RGPD1: variants seen among roughly 807,000 people sequenced by gnomAD.
RGPD1 encodes RANBP2-like and GRIP domain-containing protein 1.
Under a neutral mutation model 40.6 loss-of-function variants are expected in RGPD1, and 7 were observed. That is an observed-to-expected ratio of 0.17 (90% confidence interval 0.10 to 0.32). RGPD1 has a LOEUF of 0.32. RGPD1 is among the 10% of genes least tolerant of loss of function. The probability of loss-of-function intolerance (pLI) is 1.00; values close to 1 mark genes in which losing one functional copy is unlikely to be tolerated. For synonymous variants in RGPD1, 24 were observed against 167.0 expected (o/e 0.14, Z 6.60); for missense variants, 50 against 472.5 (o/e 0.11, Z 8.29).
chr2:86,927,366 ACT>A (rs1462362423), intron 1 of RGPD1, among the ~76,000 whole-genome samples: 1 of 144,052 alleles, frequency 6.9e-6, no homozygotes, highest in East Asian at 2.1e-4. Context: ...TCTTAGGAAG[ACT>A]CTTTTTTTCC....
At chr2:86,956,846 A>G (rs2104801245) in intron 4 of RGPD1, among the ~76,000 whole-genome samples, 1 of 103,962 alleles carries the variant, frequency 9.6e-6, no homozygotes, top group South Asian at 3.5e-4. Context: ...GTGGAGAAGT[A>G]TATTTCTGAA....
chr2:86,941,642 G>A (rs1020293643), upstream of RGPD1, among the ~76,000 whole-genome samples: 72 of 151,704 alleles, frequency 4.7e-4, no homozygotes, highest in Non-Finnish European at 9.1e-4. Context: ...TATTGGAGGG[G>A]CCTGCATATA....
chr2:86,942,363 A>T (rs1268050519), intron 1 of RGPD1, 55 bp downstream of exon 1: 1 of 1,357,258 alleles, frequency 7.4e-7, no homozygotes, highest in Non-Finnish European at 9.6e-7. Context: ...GGCGGCCTCG[A>T]CCTGGCCGGG....
intron 1 of RGPD1, among the ~76,000 whole-genome samples, chr2:86,947,352 G>A (rs538127679): frequency 0.011 from 284 of 24,944 alleles, 9 homozygotes; most frequent in African/African-American, 0.041. Context: ...TACTGTTCAG[G>A]CTGGTCTGGA....
At chr2:86,914,798 GGGCGGCGGCGGCGGCGGC>G (rs551941000) in intron 1 of RGPD1, among the ~76,000 whole-genome samples, 86 of 726 alleles carry the variant, frequency 0.12, 24 homozygotes, top group Non-Finnish European at 0.12. Flanking sequence ...CCACCTGGAC[GGGCGGCGGCGGCGGCGGC>G]GGCGGCGGCG....
intron 20 of RGPD1, among the ~76,000 whole-genome samples, chr2:86,988,308 G>A (rs1478296256): frequency 8.1e-6 from 1 of 123,404 alleles, no homozygotes; most frequent in Non-Finnish European, 1.7e-5. Context: ...GCCGGGCGTG[G>A]TGGTGCGTGC....
intron 1 of RGPD1, among the ~76,000 whole-genome samples, chr2:86,936,098 C>T (rs929864462): frequency 1.3e-4 from 17 of 135,228 alleles, no homozygotes; most frequent in African/African-American, 3.9e-4. Flanking sequence ...CTCCACCTCC[C>T]GGGTTCACGC....
intron 6 of RGPD1, among the ~76,000 whole-genome samples, chr2:86,962,514 A>C (rs1190838001): frequency 8.0e-6 from 1 of 124,440 alleles, no homozygotes; most frequent in Non-Finnish European, 1.6e-5. Flanking sequence ...TCTCAAAAAA[A>C]AAAAAAAAAA....
chr2:86,914,471 GCGGCCT>G (rs1313688332), intron 1 of RGPD1, among the ~76,000 whole-genome samples: 2 of 11,552 alleles, frequency 1.7e-4, no homozygotes, highest in Non-Finnish European at 2.7e-4. Flanking sequence ...GGCGGCGGCG[GCGGCCT>G]CGGCCTCGGC....
At chr2:86,940,809 C>G (rs948843180), upstream of RGPD1, among the ~76,000 whole-genome samples, 1 of 150,406 alleles carries the variant, frequency 6.6e-6, no homozygotes, top group African/African-American at 2.4e-5. Flanking sequence ...AGGCTATCCC[C>G]ACATGGATAG....
rs1375902128 is a variant in RGPD1, at chr2:86,935,588, TTTTCTGAGATTTG to T, written c.73-15701_73-15689del. ...ATACTCATATTCTAAGGGAATTTTA[TTTTCTGAGATTTG>T]TTTCTGTGGAATTTTTAGTTCCCCA... On this transcript the variant is annotated intron_variant, in intron 1 of 22. Transcript: ENST00000398193. Among the ~76,000 whole-genome samples, 662 of 124,628 alleles carry T rather than the reference TTTTCTGAGATTTG, an allele frequency of 5.3e-3. 83 individuals are homozygous for T. The highest frequency in any genetic ancestry group is 0.017 in the African/African-American group (607 of 36,114). 81.8% of individuals were successfully genotyped at this position (124,628 alleles called of 152,430 possible).
At chr2:86,923,267 G>T (rs1357940816) in intron 1 of RGPD1, among the ~76,000 whole-genome samples, 2 of 151,610 alleles carry the variant, frequency 1.3e-5, no homozygotes, top group African/African-American at 2.4e-5. Flanking sequence ...TCCAACTCAT[G>T]ACCTCAAGTG....
chr2:86,933,311 G>GA (rs1248249214), intron 1 of RGPD1, among the ~76,000 whole-genome samples: 4 of 147,218 alleles, frequency 2.7e-5, no homozygotes, highest in Non-Finnish European at 4.5e-5. Context: ...TTGAGTCTCA[G>GA]AAAAAAAAGG....
intron 22 of RGPD1, among the ~76,000 whole-genome samples, chr2:86,998,441 C>T (rs1326952369): frequency 5.0e-5 from 1 of 20,026 alleles, no homozygotes; most frequent in Admixed American, 9.7e-4. Context: ...CTTGAACTCA[C>T]GAGGTGGAGG....
intron 1 of RGPD1, among the ~76,000 whole-genome samples, chr2:86,931,391 T>C (rs546155874): frequency 6.6e-6 from 1 of 150,952 alleles, no homozygotes; most frequent in Non-Finnish European, 1.5e-5. Flanking sequence ...TTCTGGTTTA[T>C]GTTTTAGTTT....
intron 1 of RGPD1, among the ~76,000 whole-genome samples, chr2:86,931,340 A>C (rs553450922): frequency 1.3e-5 from 2 of 151,466 alleles, no homozygotes; most frequent in Admixed American, 1.3e-4. Context: ...ATTTAGTCCT[A>C]TCTTTTACTT....
chr2:86,942,623 C>T (rs906463307), intron 1 of RGPD1, among the ~76,000 whole-genome samples: 2 of 135,796 alleles, frequency 1.5e-5, no homozygotes, highest in Non-Finnish European at 3.2e-5. Flanking sequence ...TGCTCCCTGG[C>T]GCGCTCTGTT....
chr2:86,962,531 A>C (rs1344697601), intron 6 of RGPD1, among the ~76,000 whole-genome samples: 1 of 122,260 alleles, frequency 8.2e-6, no homozygotes, highest in East Asian at 2.0e-4. Flanking sequence ...AAAAAAAAAA[A>C]AAGACAATTT....
chr2:86,920,019 C>G (rs543542446), intron 1 of RGPD1, among the ~76,000 whole-genome samples: 8 of 152,048 alleles, frequency 5.3e-5, no homozygotes. Flanking sequence ...GAATTGCTGT[C>G]TGCAATTTCC....
Sources: gnomAD v4.1 joint callset for allele counts (sites outside exome capture counted in the v4.1 genomes callset) on GRCh38, gnomAD v4.1.1 for gene constraint, MANE v1.5 for transcripts, NCBI Gene and HGNC (gene_info 2026-07-23, HGNC 2026-07-21) for gene names.